MAP3K7CL: variants seen among roughly 807,000 people sequenced by gnomAD.
MAP3K7CL encodes the protein MAP3K7 C-terminal-like protein.
In MAP3K7CL, 16 loss-of-function variants were observed where a neutral mutation model predicts 18.6. The observed-to-expected ratio is 0.86, with a 90% CI of 0.58 to 1.31. The LOEUF (loss-of-function observed/expected upper bound fraction) is 1.31, where lower values mean the gene tolerates loss of function less well. MAP3K7CL is among the 50% of genes most tolerant of loss of function. MAP3K7CL has a pLI of 0.00. For missense variants in MAP3K7CL, 163 were observed against 174.4 expected (o/e 0.93, Z 0.37); for synonymous variants, 65 against 66.8 (o/e 0.97, Z 0.13).
At chr21:29,152,086 G>T (rs1195630599) in intron 3 of MAP3K7CL, among the ~76,000 whole-genome samples, 1 of 152,122 alleles carries the variant, frequency 6.6e-6, no homozygotes, top group Non-Finnish European at 1.5e-5. Context: ...GTAAGTGCTT[G>T]TTTGTTGAAT....
intron 4 of MAP3K7CL, among the ~76,000 whole-genome samples, chr21:29,120,014 T>C (rs1398937755): frequency 6.6e-6 from 1 of 152,230 alleles, no homozygotes; most frequent in Non-Finnish European, 1.5e-5. Context: ...GAACTTTAGG[T>C]TGGAAATAAT....
chr21:29,166,886 T>G (rs1488148397), intron 4 of MAP3K7CL, among the ~76,000 whole-genome samples: 2 of 152,218 alleles, frequency 1.3e-5, no homozygotes, highest in African/African-American at 4.8e-5. Flanking sequence ...ATTTTTGAGG[T>G]AGACCTATGT....
upstream of MAP3K7CL, chr21:29,130,622 C>T (rs1251355304): frequency 1.0e-6 from 1 of 985,436 alleles, no homozygotes; most frequent in Non-Finnish European, 1.2e-6. Flanking sequence ...TTTTCTTTTG[C>T]TCTTGCTTTT....
At chr21:29,134,175 CT>C (rs2086835520) in intron 2 of MAP3K7CL, among the ~76,000 whole-genome samples, 1 of 100,006 alleles carries the variant, frequency 1.0e-5, no homozygotes, top group African/African-American at 3.8e-5. Flanking sequence ...CTTTTGAGGA[CT>C]CTCTCTCTCT....
intron 4 of MAP3K7CL, among the ~76,000 whole-genome samples, chr21:29,107,766 G>A (rs1280740242): frequency 1.3e-5 from 2 of 152,214 alleles, no homozygotes; most frequent in Non-Finnish European, 2.9e-5. Flanking sequence ...TTCTTGTTAT[G>A]TGAGAGGATA....
chr21:29,082,496 T>C (rs2085852029), upstream of MAP3K7CL, among the ~76,000 whole-genome samples: 1 of 152,184 alleles, frequency 6.6e-6, no homozygotes, highest in Non-Finnish European at 1.5e-5. Context: ...TTGGCAGGCT[T>C]GGAGGTCTCA....
intron 3 of MAP3K7CL, among the ~76,000 whole-genome samples, chr21:29,153,874 T>C (rs1568965386): frequency 6.6e-6 from 1 of 152,246 alleles, no homozygotes; most frequent in Non-Finnish European, 1.5e-5. Flanking sequence ...TGCTTAAGCA[T>C]GTTATGTTTT....
chr21:29,164,692 A>G (rs1437046672), intron 4 of MAP3K7CL, among the ~76,000 whole-genome samples: 1 of 152,230 alleles, frequency 6.6e-6, no homozygotes, highest in Non-Finnish European at 1.5e-5. Context: ...TCCAATTTAA[A>G]GAATCGCTTC....
chr21:29,083,836 G>A (rs2146477147), upstream of MAP3K7CL, among the ~76,000 whole-genome samples: 1 of 150,632 alleles, frequency 6.6e-6, no homozygotes, highest in Non-Finnish European at 1.5e-5. Context: ...GCTGGGATGT[G>A]TGTGTGTGTG....
chr21:29,125,103 T>C (rs1031740313), intron 4 of MAP3K7CL, among the ~76,000 whole-genome samples: 4 of 152,188 alleles, frequency 2.6e-5, no homozygotes, highest in African/African-American at 7.2e-5. Context: ...TTTTTTCCTA[T>C]GTTTTTGCCC....
At chr21:29,156,553 T>C (rs2087409337) in intron 3 of MAP3K7CL, among the ~76,000 whole-genome samples, 1 of 152,180 alleles carries the variant, frequency 6.6e-6, no homozygotes, top group African/African-American at 2.4e-5. Flanking sequence ...CTGTTGGCCA[T>C]ATATTGTCTC....
At chr21:29,174,557 C>G (rs2087919641) in intron 4 of MAP3K7CL, among the ~76,000 whole-genome samples, 155 bp from the exon 5 acceptor site, 1 of 152,110 alleles carries the variant, frequency 6.6e-6, no homozygotes, top group African/African-American at 2.4e-5. Context: ...ATTTGCAAAG[C>G]TGGACAAATA....
At chr21:29,165,403 G>T (rs2087660025) in intron 4 of MAP3K7CL, among the ~76,000 whole-genome samples, 1 of 152,052 alleles carries the variant, frequency 6.6e-6, no homozygotes, top group Admixed American at 6.5e-5. Context: ...GTTCTTTAGT[G>T]ATGATTTCTG....
chr21:29,082,915 T>C (rs1368952257), upstream of MAP3K7CL, among the ~76,000 whole-genome samples: 1 of 152,088 alleles, frequency 6.6e-6, no homozygotes, highest in Non-Finnish European at 1.5e-5. Context: ...AATTAAGGTG[T>C]CATTTTGATG....
chr21:29,094,838 C>T (rs2086092648), intron 4 of MAP3K7CL, among the ~76,000 whole-genome samples: 1 of 152,120 alleles, frequency 6.6e-6, no homozygotes, highest in African/African-American at 2.4e-5. Context: ...AGGAGCATTG[C>T]TTGAGCCCAG....
In MAP3K7CL at chr21:29,110,486, TCC is replaced by T. The variant is rs1219787611; in HGVS notation, c.370+17908_370+17909del. On this transcript the variant is annotated intron_variant, in intron 4 of 6. Transcript: ENST00000286791. ...ATCTCAGCTCACTGCAACCTCCACC[TCC>T]CCAGTTCAAGCAATCCTCTTGCCTC... Among the ~76,000 whole-genome samples, 4 of 151,992 alleles carry T rather than the reference TCC, an allele frequency of 2.6e-5. No homozygotes were observed. The East Asian group carries it at 7.7e-4, about 29-fold the overall frequency.
At chr21:29,136,740 C>T (rs184732172) in intron 2 of MAP3K7CL, among the ~76,000 whole-genome samples, 1 of 152,202 alleles carries the variant, frequency 6.6e-6, no homozygotes, top group East Asian at 1.9e-4. Context: ...AGGCTGGTCT[C>T]GAACTCCTGA....
intron 4 of MAP3K7CL, among the ~76,000 whole-genome samples, chr21:29,173,162 C>T (rs1235605542): frequency 6.6e-6 from 1 of 152,106 alleles, no homozygotes; most frequent in Non-Finnish European, 1.5e-5. Context: ...GTAGGGGGAA[C>T]CTAGGAGGAG....
At chr21:29,173,322 ATCT>A (rs2087888131) in intron 4 of MAP3K7CL, among the ~76,000 whole-genome samples, 1 of 152,174 alleles carries the variant, frequency 6.6e-6, no homozygotes, top group African/African-American at 2.4e-5. Context: ...CTTTATGTAG[ATCT>A]TCTTTTAATT....
Sources: allele counts gnomAD v4.1 joint callset (sites outside exome capture counted in the v4.1 genomes callset), GRCh38; gene constraint gnomAD v4.1.1; transcripts MANE v1.5; gene names NCBI Gene and HGNC (gene_info 2026-07-23, HGNC 2026-07-21).